SAXO1: variants seen among roughly 807,000 people sequenced by gnomAD.
SAXO1 encodes the protein 4930500O09Rik.
A neutral mutation model predicts 17.5 loss-of-function variants in SAXO1; 21 were observed. The ratio of observed to expected loss-of-function variants is 1.20; its 90% CI spans 0.85 to 1.72. The LOEUF (loss-of-function observed/expected upper bound fraction) is 1.72. Ranked by LOEUF, SAXO1 falls within the 40% of genes most tolerant of loss-of-function variation. The pLI, the probability that SAXO1 is intolerant of heterozygous loss-of-function variation, is 0.00. For missense variants in SAXO1, 843 were observed against 596.0 expected (o/e 1.41, Z -4.32); for synonymous variants, 274 against 216.5 (o/e 1.27, Z -2.33).
chr9:18,972,164 G>A (rs967217329), intron 1 of SAXO1, among the ~76,000 whole-genome samples: 7 of 152,184 alleles, frequency 4.6e-5, no homozygotes, highest in African/African-American at 1.7e-4. Flanking sequence ...AGAGGTGTTA[G>A]GAGAAAACAG....
chr9:18,974,976 C>T (rs1203377951), intron 1 of SAXO1, among the ~76,000 whole-genome samples: 2 of 152,166 alleles, frequency 1.3e-5, no homozygotes, highest in African/African-American at 4.8e-5. Flanking sequence ...AGAAATCTGG[C>T]AGACTCTCAA....
chr9:19,027,564 C>T, intron 1 of SAXO1: 1 of 1,309,392 alleles, frequency 7.6e-7, no homozygotes, highest in Middle Eastern at 1.9e-4. Context: ...AGGGCACAGA[C>T]TAAGGCCACC....
At chr9:18,968,650 G>C (rs1003732352) in intron 1 of SAXO1, among the ~76,000 whole-genome samples, 1 of 151,050 alleles carries the variant, frequency 6.6e-6, no homozygotes, top group African/African-American at 2.5e-5. Context: ...CTGGAATGCA[G>C]TGGTATGATC....
At chr9:18,998,471 G>C (rs1470188452) in intron 1 of SAXO1, among the ~76,000 whole-genome samples, 2 of 152,208 alleles carry the variant, frequency 1.3e-5, no homozygotes, top group Non-Finnish European at 2.9e-5. Context: ...TATGTGAAAA[G>C]ACCAAATCTA....
chr9:19,030,539 C>G (rs1004269334), intron 1 of SAXO1, among the ~76,000 whole-genome samples: 4 of 151,976 alleles, frequency 2.6e-5, no homozygotes, highest in Non-Finnish European at 5.9e-5. Flanking sequence ...AACCCCATCT[C>G]TACTAAAAAT....
intron 1 of SAXO1, among the ~76,000 whole-genome samples, chr9:18,966,409 C>T (rs555037791): frequency 6.6e-6 from 1 of 152,280 alleles, no homozygotes; most frequent in South Asian, 2.1e-4. Context: ...TTCATACAGT[C>T]CCATATTTCT....
At chr9:19,048,289 T>C (rs1269878733) in intron 1 of SAXO1, among the ~76,000 whole-genome samples, 1 of 152,068 alleles carries the variant, frequency 6.6e-6, no homozygotes, top group African/African-American at 2.4e-5. Context: ...AAACCCCGTC[T>C]CCACTAAAAA....
At chr9:19,018,497 T>C (rs1366818261) in intron 1 of SAXO1, among the ~76,000 whole-genome samples, 1 of 152,200 alleles carries the variant, frequency 6.6e-6, no homozygotes, top group Non-Finnish European at 1.5e-5. Flanking sequence ...AGCTTTGCAA[T>C]GGAACGTGTT....
In SAXO1 at chr9:18,967,743, C is replaced by T. The variant is rs149981919; in HGVS notation, c.39-16806G>A. Among the ~76,000 whole-genome samples, 441 of 152,028 alleles carry T rather than the reference C, an allele frequency of 2.9e-3. 2 individuals are homozygous for T. The highest frequency in any genetic ancestry group is 0.013 in the South Asian group (62 of 4,800). ...CTCCCTGGCTTCAGCCCCCTTTCCA[C>T]GGGAGTGAATGATTCTGTCTCACCA... On this transcript the variant is annotated intron_variant, in intron 1 of 3. Transcript: ENST00000380534.
chr9:19,002,241 G>C lies in SAXO1; in HGVS notation c.38+30630C>G, dbSNP rs184419732. Among the ~76,000 whole-genome samples the C allele has an allele frequency of 5.3e-5, 8 of 152,136 alleles. No individual in the cohort carries two copies. The East Asian group carries it at 1.5e-3, about 29-fold the overall frequency. The stretch of plus-strand genomic sequence containing the variant: ...TAGACCAATAACAGGTTCTGAAATT[G>C]AGGCAGTAATAGCCTACCAACCAAA... On this transcript the variant is annotated intron_variant, in intron 1 of 3. Coordinates refer to ENST00000380534, the MANE Select transcript of SAXO1 (RefSeq NM_153707.4).
chr9:18,950,708 C>T, intron 2 of SAXO1, 50 bp downstream of exon 2: 1 of 1,500,728 alleles, frequency 6.7e-7, no homozygotes. Context: ...CTGCATGTTA[C>T]TCCATTAGTG....
intron 1 of SAXO1, among the ~76,000 whole-genome samples, chr9:18,973,046 G>C (rs2131799697): frequency 1.3e-5 from 2 of 152,290 alleles, no homozygotes; most frequent in South Asian, 4.1e-4. Context: ...GCTGCACGGG[G>C]AGCTGCAAAA....
chr9:18,987,217 GAGA>G (rs1833627832), intron 1 of SAXO1, among the ~76,000 whole-genome samples: 2 of 152,200 alleles, frequency 1.3e-5, no homozygotes, highest in South Asian at 4.1e-4. Context: ...TCTCAGCACA[GAGA>G]AGAACTGGGA....
intron 1 of SAXO1, among the ~76,000 whole-genome samples, chr9:18,994,100 AC>A (rs1451723750): frequency 5.9e-5 from 9 of 152,256 alleles, no homozygotes; most frequent in Admixed American, 5.2e-4. Flanking sequence ...GTTCAAATTT[AC>A]TGCACTAAAA....
At chr9:18,950,664 G>A (rs999272368) in intron 2 of SAXO1, 94 bp downstream of exon 2, 3 of 1,093,742 alleles carry the variant, frequency 2.7e-6, no homozygotes, top group Non-Finnish European at 4.0e-6. Flanking sequence ...TAATGCATTA[G>A]CACTGCACAT....
chr9:19,049,219 A>C lies in SAXO1; in HGVS notation c.-168T>G, dbSNP rs6475313. Reference sequence around the variant, plus strand: ...CAACCACACACGTACCCCTAGCAACAGCAAACCCAGCTGCAACAGAACAAA... The same window carrying C: ...CAACCACACACGTACCCCTAGCAACCGCAAACCCAGCTGCAACAGAACAAA... On this transcript the variant is annotated 5_prime_UTR_variant, in exon 1 of 4. Coordinates refer to the SAXO1 transcript ENST00000542071. This position sits in a 1 kb window ranked among gnomAD's most constrained non-coding sequence, Gnocchi z 5.4. The C allele has an allele frequency of 0.44, 69,515 of 157,038 alleles. 16,798 individuals carry two copies. The highest frequency in any genetic ancestry group is 0.65 in the African/African-American group (27,219 of 41,560). 9.7% of individuals were successfully genotyped at this position (157,038 alleles called of 1,614,324 possible). A position where few individuals can be genotyped will look rare whatever the true frequency, so the allele number is the denominator to read the frequency against.
chr9:18,943,687 T>G (rs900786080), intron 2 of SAXO1, among the ~76,000 whole-genome samples: 2 of 152,148 alleles, frequency 1.3e-5, no homozygotes, highest in African/African-American at 2.4e-5. Flanking sequence ...CCTAAACCCT[T>G]ATAAAAGCCT....
chr9:18,945,357 T>G (rs1456892833), intron 2 of SAXO1, among the ~76,000 whole-genome samples: 1 of 152,206 alleles, frequency 6.6e-6, no homozygotes, highest in Non-Finnish European at 1.5e-5. Context: ...CTCTCTCCCT[T>G]GACTTCCGTG....
At chr9:18,930,756 C>T (rs1831007819) in intron 3 of SAXO1, among the ~76,000 whole-genome samples, 1 of 152,204 alleles carries the variant, frequency 6.6e-6, no homozygotes, top group Non-Finnish European at 1.5e-5. Flanking sequence ...ACCTCGGCCT[C>T]CCAAAGTGCT....
Sources: gnomAD v4.1 joint callset for allele counts (sites outside exome capture counted in the v4.1 genomes callset) on GRCh38, gnomAD v4.1.1 for gene constraint, Gnocchi (gnomAD v3.1) non-coding constraint, MANE v1.5 for transcripts, NCBI Gene and HGNC (gene_info 2026-07-23, HGNC 2026-07-21) for gene names.